The following SPTB variants were observed in gnomAD, a reference collection of about 807,000 sequenced individuals.
The protein encoded by SPTB is spectrin beta chain, erythrocytic.
SPTB carries 45 observed loss-of-function variants against 256.2 expected under a neutral mutation model. The observed-to-expected ratio is 0.18, with a 90% CI of 0.14 to 0.23. The LOEUF is 0.23. Ranked by LOEUF, SPTB falls within the 10% of genes least tolerant of loss-of-function variation. The pLI, the probability that SPTB is intolerant of heterozygous loss-of-function variation, is 1.00. For missense variants in SPTB, 2,715 were observed against 3,040.4 expected (o/e 0.89, Z 2.52); for synonymous variants, 1,231 against 1,243.1 (o/e 0.99, Z 0.21).
intron 1 of SPTB, among the ~76,000 whole-genome samples, chr14:64,834,274 G>T (rs1195491999): frequency 6.6e-6 from 1 of 151,964 alleles, no homozygotes. Flanking sequence ...TGATCCACCT[G>T]CCTCAGCCTC....
chr14:64,817,479 A>G (rs536717385), intron 2 of SPTB, among the ~76,000 whole-genome samples: 2 of 152,372 alleles, frequency 1.3e-5, no homozygotes, highest in South Asian at 4.1e-4. Context: ...CATTAATGAC[A>G]CCACCATCTT....
chr14:64,751,112 TATA>T (rs1293330694), intron 33 of SPTB, among the ~76,000 whole-genome samples: 3 of 146,510 alleles, frequency 2.0e-5, no homozygotes, highest in South Asian at 2.1e-4. Context: ...ATATATAATA[TATA>T]ATATTTATAT....
intron 1 of SPTB, among the ~76,000 whole-genome samples, chr14:64,850,804 T>C (rs1158815241): frequency 6.6e-6 from 1 of 152,218 alleles, no homozygotes; most frequent in African/African-American, 2.4e-5. Flanking sequence ...TCCCCTTCCT[T>C]TTCATTCTGT....
chr14:64,864,385 G>A (rs1485187998), intron 1 of SPTB, among the ~76,000 whole-genome samples: 1 of 152,130 alleles, frequency 6.6e-6, no homozygotes, highest in Non-Finnish European at 1.5e-5. Flanking sequence ...GGAGTTCAGG[G>A]ATGCAGTGAG....
intron 1 of SPTB, among the ~76,000 whole-genome samples, chr14:64,832,689 T>C (rs2083467465): frequency 6.6e-6 from 1 of 152,206 alleles, no homozygotes; most frequent in African/African-American, 2.4e-5. Context: ...CCATTTTTCC[T>C]GCCATGCTTC....
At position 64,773,396 on chromosome 14, in the gene SPTB, C is replaced by T. The variant is rs1477804445; in HGVS notation, c.5002G>A (p.Val1668Met). The change falls in exon 25 of 36, where the codon GTG (valine) becomes ATG (methionine). Residue 1668 changes from valine to methionine, a missense_variant. By Grantham distance (21) the Val-to-Met change is conservative. Coordinates refer to ENST00000644917, the MANE Select transcript of SPTB (RefSeq NM_001355436.2). Reference sequence around the variant, plus strand: ...TTCAGCCCTGCGTAGTGCTTGTCCACTTGCCCCTGAAGTCTGATGATCTGT... The same window carrying T: ...TTCAGCCCTGCGTAGTGCTTGTCCATTTGCCCCTGAAGTCTGATGATCTGT... ...GEQIIRLQGQ[V>M]DKHYAGLKDV... 6.2e-7 allele frequency: 1 copy of T among 1,614,062 alleles called. No homozygotes were observed. The highest frequency in any genetic ancestry group is 8.5e-7 in the Non-Finnish European group (1 of 1,180,046).
chr14:64,797,964 TAAAAACACAG>T, intron 9 of SPTB, 118 bp from the exon 10 acceptor site: 1 of 789,480 alleles, frequency 1.3e-6, no homozygotes. Flanking sequence ...ATATTTCCCT[TAAAAACACAG>T]AAAAACTAAA....
In SPTB at chr14:64,749,872, T is replaced by C; in HGVS notation, c.6776+109A>G. 1 of 1,536,730 alleles carries C rather than the reference T, an allele frequency of 6.5e-7. No homozygotes were observed. The highest frequency in any genetic ancestry group is 9.0e-7 in the Non-Finnish European group (1 of 1,112,568). On this transcript the variant is annotated intron_variant, in intron 34 of 35. Transcript: ENST00000644917. The surrounding 1 kb of genome is among the most constrained non-coding windows in gnomAD (Gnocchi z 4.7). ...CAGCCTCTTTGATTTGAAAAACCCCTGAGGAGCAGCTCAGGCCTGGCACTG... is the reference window on the plus strand; with the variant it reads ...CAGCCTCTTTGATTTGAAAAACCCCCGAGGAGCAGCTCAGGCCTGGCACTG...
At position 64,793,850 on chromosome 14, in the gene SPTB, G is replaced by A. The variant is rs1219878096; in HGVS notation, c.1813C>T (p.Pro605Ser). 6.2e-7 allele frequency: 1 copy of A among 1,606,604 alleles called. No individual in the cohort carries two copies. Among genetic ancestry groups the A allele is most frequent in the Non-Finnish European group, 8.5e-7 (1 of 1,179,426 alleles). ...TEGKGYQPCD[P>S]QVIQDRISHL... Reference sequence around the variant, plus strand: ...CTGATGCGGTCCTGGATGACCTGGGGGTCACAAGGCTGGTACCCTGGAAGA... The same window carrying A: ...CTGATGCGGTCCTGGATGACCTGGGAGTCACAAGGCTGGTACCCTGGAAGA... The change falls in exon 14 of 36, where the codon CCC becomes TCC. Residue 605 changes from proline to serine, a missense_variant. By Grantham distance (74) the Pro-to-Ser change is moderately conservative. This residue lies in a region of SPTB where 2,239 missense variants were observed against 2,384.4 expected (regional missense o/e 0.94). Transcript: ENST00000644917. The surrounding 1 kb of genome is among the most constrained non-coding windows in gnomAD (Gnocchi z 7.0).
rs751031901 is a variant in SPTB, at chr14:64,793,874, G to T, written c.1796-7C>A. ...GGGTCACAAGGCTGGTACCCTGGAA[G>T]AAATAGGGGGAAGGAGGACAAAGTG... On this transcript the variant is annotated splice_polypyrimidine_tract_variant and splice_region_variant and intron_variant, in intron 13 of 35. Coordinates refer to ENST00000644917, the MANE Select transcript of SPTB (RefSeq NM_001355436.2). The surrounding 1 kb of genome is among the most constrained non-coding windows in gnomAD (Gnocchi z 7.0). The T allele has an allele frequency of 6.9e-6, 11 of 1,595,666 alleles. No individual in the cohort carries two copies. The highest frequency in any genetic ancestry group is 3.4e-5 in the Admixed American group (2 of 59,502).
rs1390385803 is a variant in SPTB, at chr14:64,824,615, T to G, written c.-51-1470A>C. On this transcript the variant is annotated intron_variant, in intron 1 of 35. Coordinates refer to ENST00000644917, the MANE Select transcript of SPTB (RefSeq NM_001355436.2). This position sits in a 1 kb window ranked among gnomAD's most constrained non-coding sequence, Gnocchi z 5.7. ...GCAGGGAGGCTGTGAGGCAGACCTGTGATGGGGGTTGACAGCCAGTGAGCT... is the reference window on the plus strand; with the variant it reads ...GCAGGGAGGCTGTGAGGCAGACCTGGGATGGGGGTTGACAGCCAGTGAGCT... Among the ~76,000 whole-genome samples the G allele has an allele frequency of 6.6e-6, 1 of 152,048 alleles. No homozygotes were observed. The highest frequency in any genetic ancestry group is 6.5e-5 in the Admixed American group (1 of 15,270).
chr14:64,822,612 G>A (rs1207837183), intron 2 of SPTB, among the ~76,000 whole-genome samples: 2 of 152,098 alleles, frequency 1.3e-5, no homozygotes, highest in Non-Finnish European at 1.5e-5. Context: ...AGGAGGCCCT[G>A]TGAACCTGCG....
intron 1 of SPTB, among the ~76,000 whole-genome samples, chr14:64,839,815 C>A (rs1484332341): frequency 2.6e-5 from 4 of 152,028 alleles, no homozygotes; most frequent in Admixed American, 6.5e-5. Flanking sequence ...AATAATGATA[C>A]AACAAGATAG....
Position 64,795,687 on chromosome 14 carries a change from C to G in SPTB, c.1342-48G>C. ...GGCAGCTCAGTCAGACACCCAGGGG[C>G]TCATCCCCAAACTCAGGGACAGGGC... On this transcript the variant is annotated intron_variant, in intron 11 of 35. Transcript: ENST00000644917. This position sits in a 1 kb window ranked among gnomAD's most constrained non-coding sequence, Gnocchi z 6.5. 1 of 1,600,982 alleles carries G rather than the reference C, an allele frequency of 6.2e-7. No homozygotes were observed. The highest frequency in any genetic ancestry group is 8.5e-7 in the Non-Finnish European group (1 of 1,170,382).
In SPTB at chr14:64,779,534, A is replaced by G. The variant is rs1007258921; in HGVS notation, c.4473+191T>C. Reference sequence around the variant, plus strand: ...CTTCACCGAGCAATACTAGCAAGTGAACAGTGCATTCCCAACAAAAGCACT... The same window carrying G: ...CTTCACCGAGCAATACTAGCAAGTGGACAGTGCATTCCCAACAAAAGCACT... On this transcript the variant is annotated intron_variant, in intron 21 of 35. Transcript: ENST00000644917. This position sits in a 1 kb window ranked among gnomAD's most constrained non-coding sequence, Gnocchi z 4.2. 2.6e-5 allele frequency among the ~76,000 whole-genome samples: 4 copies of G among 152,226 alleles called. No homozygotes were observed. The highest frequency in any genetic ancestry group is 1.9e-4 in the East Asian group (1 of 5,204).
Position 64,763,768 on chromosome 14 carries a change from C to T in SPTB, c.6345+2958G>A, listed in dbSNP as rs745981083. 2.1e-5 allele frequency: 11 copies of T among 518,866 alleles called. No homozygotes were observed. In the Middle Eastern group the frequency reaches 9.5e-4, roughly 45 times the overall value. 32.1% of individuals were successfully genotyped at this position (518,866 alleles called of 1,614,324 possible). On this transcript the variant is annotated intron_variant, in intron 32 of 35. Coordinates refer to ENST00000644917, the MANE Select transcript of SPTB (RefSeq NM_001355436.2). ...CCTCCCATGCACTTACCTGTATGAA[C>T]GGATTGGCCTTTACCAGAACGTGCT...
chr14:64,867,993 C>T (rs1318656999), intron 1 of SPTB, among the ~76,000 whole-genome samples: 1 of 151,940 alleles, frequency 6.6e-6, no homozygotes, highest in East Asian at 1.9e-4. Flanking sequence ...TCCCAAGCAT[C>T]CAAGGCAAGA....
In SPTB at chr14:64,826,645, C is replaced by T. The variant is rs1336322247; in HGVS notation, c.-51-3500G>A. On this transcript the variant is annotated intron_variant, in intron 1 of 35. Transcript: ENST00000644917. This position sits in a 1 kb window ranked among gnomAD's most constrained non-coding sequence, Gnocchi z 4.4. ...AAGTACTTCCTTGTCCATTCATTCC[C>T]TGGCTTACCCACAAGTCCCCCAAAA... is the stretch of plus-strand genomic sequence containing the variant. Among the ~76,000 whole-genome samples, 2 of 152,184 alleles carry T rather than the reference C, an allele frequency of 1.3e-5. No homozygotes were observed. The highest frequency in any genetic ancestry group is 2.9e-5 in the Non-Finnish European group (2 of 68,030).
Position 64,793,464 on chromosome 14 carries a change from G to C in SPTB, c.2199C>G (p.Ala733=), listed in dbSNP as rs140158203. 17 of 1,614,130 alleles carry C rather than the reference G, an allele frequency of 1.1e-5. No homozygotes were observed. The highest frequency in any genetic ancestry group is 4.5e-5 in the East Asian group (2 of 44,884). Residue 733 remains alanine (A), a synonymous_variant, in exon 14 of 36, where the codon GCC becomes GCG. Coordinates refer to ENST00000644917, the MANE Select transcript of SPTB (RefSeq NM_001355436.2). This position sits in a 1 kb window ranked among gnomAD's most constrained non-coding sequence, Gnocchi z 7.0. The part of the protein sequence containing the change: ...AQWDQLKDLA[A]FCKKNLQDAE... Reference sequence around the variant, plus strand: ...CATCCTGGAGGTTCTTCTTGCAGAAGGCAGCCAGGTCCTTCAGCTGGTCCC... The same window carrying C: ...CATCCTGGAGGTTCTTCTTGCAGAACGCAGCCAGGTCCTTCAGCTGGTCCC...
Sources: gnomAD v4.1 joint callset for allele counts (sites outside exome capture counted in the v4.1 genomes callset) on GRCh38, gnomAD v4.1.1 for gene constraint, gnomAD v4.1.1 regional missense constraint, Gnocchi (gnomAD v3.1) non-coding constraint, MANE v1.5 for transcripts, NCBI Gene and HGNC (gene_info 2026-07-23, HGNC 2026-07-21) for gene names.